ADAMTS5: variants seen among roughly 807,000 people sequenced by gnomAD.
The protein encoded by ADAMTS5 is A disintegrin and metalloproteinase with thrombospondin motifs 5.
Under a neutral mutation model 81.4 loss-of-function variants are expected in ADAMTS5, and 54 were observed. The ratio of observed to expected loss-of-function variants is 0.66; its 90% CI spans 0.53 to 0.83. The LOEUF (loss-of-function observed/expected upper bound fraction) is 0.83. Ranked by LOEUF, ADAMTS5 falls within the 40% of genes least tolerant of loss-of-function variation. The pLI is 0.00. For synonymous variants in ADAMTS5, 532 were observed against 508.8 expected (o/e 1.05, Z -0.61); for missense variants, 1,194 against 1,229.9 (o/e 0.97, Z 0.44).
At chr21:26,933,665 G>A (rs746312612) in intron 4 of ADAMTS5, among the ~76,000 whole-genome samples, 1 of 152,192 alleles carries the variant, frequency 6.6e-6, no homozygotes, top group Non-Finnish European at 1.5e-5. Flanking sequence ...GCCCTTTTAT[G>A]GCAACCTAAG....
At chr21:26,941,270 T>C (rs2123184001) in intron 3 of ADAMTS5, among the ~76,000 whole-genome samples, 1 of 152,220 alleles carries the variant, frequency 6.6e-6, no homozygotes, top group East Asian at 1.9e-4. Flanking sequence ...TTATTTAATA[T>C]ATATACATGA....
chr21:26,946,896 A>C (rs1987226008), intron 2 of ADAMTS5, among the ~76,000 whole-genome samples: 1 of 152,086 alleles, frequency 6.6e-6, no homozygotes, highest in African/African-American at 2.4e-5. Context: ...TCTTTTTTGG[A>C]GAGTCAGAGT....
At chr21:26,964,325 A>C (rs1308210910) in intron 1 of ADAMTS5, among the ~76,000 whole-genome samples, 2 of 152,208 alleles carry the variant, frequency 1.3e-5, no homozygotes, top group Non-Finnish European at 2.9e-5. Context: ...ACACTAACGT[A>C]GTGGTCAAAT....
Position 26,965,770 on chromosome 21 carries a change from T to C in ADAMTS5, c.622A>G (p.Ser208Gly). The change falls in exon 1 of 8, where the codon AGC becomes GGC. Residue 208 changes from serine (S) to glycine (G), a missense_variant. Physicochemically the swap from Ser to Gly is moderately conservative, Grantham distance 56. This residue lies in a region of ADAMTS5 where 498 missense variants were observed against 412.3 expected (regional missense o/e 1.21). Coordinates refer to ENST00000284987, the MANE Select transcript of ADAMTS5 (RefSeq NM_007038.5). Reference sequence around the variant, plus strand: ...GGTGTGGACGCGGGGGTTTCGCAGCTGGCGCGCGGCGGCAGGGCCTCGAAG... The same window carrying C: ...GGTGTGGACGCGGGGGTTTCGCAGCCGGCGCGCGGCGGCAGGGCCTCGAAG... ...FSFEALPPRA[S>G]CETPASTPEA... is the part of the protein sequence containing the mutation. The C allele has an allele frequency of 1.9e-6, 3 of 1,601,568 alleles. No individual in the cohort carries two copies. The highest frequency in any genetic ancestry group is 2.6e-6 in the Non-Finnish European group (3 of 1,174,444).
rs1986670991 is a variant in ADAMTS5, at chr21:26,920,533, A to G, written c.*3520T>C. On this transcript the variant is annotated 3_prime_UTR_variant, in exon 8 of 8. Coordinates refer to ENST00000284987, the MANE Select transcript of ADAMTS5 (RefSeq NM_007038.5). The stretch of plus-strand genomic sequence containing the variant: ...GATATTAATTTTAGGAGGTGTTTCT[A>G]AAGGAGAAACAGACAACATTTGGTT... 2.0e-5 allele frequency: 3 copies of G among 152,154 alleles called. No homozygotes were observed. The highest frequency in any genetic ancestry group is 2.9e-5 in the Non-Finnish European group (2 of 67,994). The allele number at this position is 152,154 out of a possible 1,614,324, so 9.4% of individuals were successfully genotyped here.
At chr21:26,963,391 G>A (rs989738949) in intron 1 of ADAMTS5, among the ~76,000 whole-genome samples, 1 of 151,708 alleles carries the variant, frequency 6.6e-6, no homozygotes, top group Admixed American at 6.6e-5. Flanking sequence ...GGAATGTTAT[G>A]GGGCAGGAGG....
chr21:26,934,049 T>C (rs899053401), intron 4 of ADAMTS5, among the ~76,000 whole-genome samples: 1 of 152,166 alleles, frequency 6.6e-6, no homozygotes, highest in Non-Finnish European at 1.5e-5. Context: ...AAAGTGACCA[T>C]TTGGAGCTCA....
At position 26,922,798 on chromosome 21, in the gene ADAMTS5, T is replaced by C. The variant is rs1325859514; in HGVS notation, c.*1255A>G. On this transcript the variant is annotated 3_prime_UTR_variant, in exon 8 of 8. Transcript: ENST00000284987. ...GGAAAAATATTTAGTACAATAGGAA[T>C]ATACTTAGATTTTTTAAATTAAGAA... 1 of 152,570 alleles carries C rather than the reference T, an allele frequency of 6.6e-6. No individual in the cohort carries two copies. Among genetic ancestry groups the C allele is most frequent in the African/African-American group, 2.4e-5 (1 of 41,446 alleles). The allele number at this position is 152,570 out of a possible 1,614,324, so 9.5% of individuals were successfully genotyped here.
Position 26,929,954 on chromosome 21 carries a change from G to C in ADAMTS5, c.2157C>G (p.Asp719Glu). The C allele has an allele frequency of 1.2e-6, 2 of 1,614,108 alleles. No individual in the cohort carries two copies. The highest frequency in any genetic ancestry group is 1.7e-6 in the Non-Finnish European group (2 of 1,179,990). Reference sequence around the variant, plus strand: ...TGTCTCCTCCACATACTCCGCACTTGTCATACTGCAGCTTTGAGCCAATGA... The same window carrying C: ...TGTCTCCTCCACATACTCCGCACTTCTCATACTGCAGCTTTGAGCCAATGA... Reference protein sequence around the residue: ...DGIIGSKLQYDKCGVCGGDNS... With the variant: ...DGIIGSKLQYEKCGVCGGDNS... Residue 719 changes from aspartate to glutamate, a missense_variant, in exon 7 of 8, where the codon GAC (aspartate) becomes GAG (glutamate). This residue lies in a region of ADAMTS5 where 696 missense variants were observed against 817.6 expected (regional missense o/e 0.85). Coordinates refer to ENST00000284987, the MANE Select transcript of ADAMTS5 (RefSeq NM_007038.5).
intron 3 of ADAMTS5, among the ~76,000 whole-genome samples, chr21:26,936,127 A>T (rs1987009585): frequency 6.6e-6 from 1 of 152,184 alleles, no homozygotes; most frequent in Admixed American, 6.5e-5. Flanking sequence ...GCATGTGAGT[A>T]GCTGCCTGAT....
intron 2 of ADAMTS5, among the ~76,000 whole-genome samples, chr21:26,950,678 A>T (rs1987299718): frequency 6.6e-6 from 1 of 152,218 alleles, no homozygotes; most frequent in Admixed American, 6.5e-5. Context: ...TTTTTGAAAG[A>T]ATTAGCAGAA....
chr21:26,928,254 A>T (rs1986839736), intron 7 of ADAMTS5, among the ~76,000 whole-genome samples: 1 of 152,172 alleles, frequency 6.6e-6, no homozygotes, highest in African/African-American at 2.4e-5. Context: ...GCAGTATGAG[A>T]TCAATGTTCT....
intron 2 of ADAMTS5, among the ~76,000 whole-genome samples, chr21:26,947,748 G>A (rs948270492): frequency 3.3e-5 from 5 of 152,072 alleles, no homozygotes; most frequent in African/African-American, 9.7e-5. Flanking sequence ...ACTGTATTTC[G>A]CTGTTTGAAA....
intron 2 of ADAMTS5, among the ~76,000 whole-genome samples, 178 bp downstream of exon 2, chr21:26,954,561 T>G (rs1400134431): frequency 1.3e-5 from 2 of 152,192 alleles, no homozygotes; most frequent in African/African-American, 4.8e-5. Flanking sequence ...TGTTGCTGAC[T>G]TTGCCTTCCC....
intron 2 of ADAMTS5, among the ~76,000 whole-genome samples, chr21:26,944,759 T>A (rs1041884321): frequency 1.3e-5 from 2 of 152,068 alleles, no homozygotes; most frequent in Middle Eastern, 3.2e-3. Context: ...TGTGCACCAA[T>A]AAAACCCAAC....
intron 2 of ADAMTS5, among the ~76,000 whole-genome samples, chr21:26,943,813 T>A (rs1987161256): frequency 6.6e-6 from 1 of 152,202 alleles, no homozygotes; most frequent in Admixed American, 6.5e-5. Context: ...ATGCTTAATG[T>A]CATGTGGAAA....
intron 1 of ADAMTS5, among the ~76,000 whole-genome samples, 173 bp from the exon 2 acceptor site, chr21:26,955,044 C>G (rs1987397849): frequency 6.6e-6 from 1 of 152,142 alleles, no homozygotes; most frequent in Admixed American, 6.5e-5. Context: ...CTGAACTGCT[C>G]TGGGGCCCAG....
intron 3 of ADAMTS5, among the ~76,000 whole-genome samples, chr21:26,936,829 C>A (rs1335961247): frequency 6.6e-6 from 1 of 152,128 alleles, no homozygotes; most frequent in Admixed American, 6.5e-5. Context: ...GCGATTAGGG[C>A]TTCAGAACTC....
At chr21:26,931,891 A>G (rs1420394971) in intron 6 of ADAMTS5, 113 bp downstream of exon 6, 3 of 1,118,158 alleles carry the variant, frequency 2.7e-6, no homozygotes, top group Non-Finnish European at 3.7e-6. Context: ...ACCTTCCAAA[A>G]TCTAACTGAC....
Sources: gnomAD v4.1 joint callset for allele counts (sites outside exome capture counted in the v4.1 genomes callset) on GRCh38, gnomAD v4.1.1 for gene constraint, gnomAD v4.1.1 regional missense constraint, MANE v1.5 for transcripts, NCBI Gene and HGNC (gene_info 2026-07-23, HGNC 2026-07-21) for gene names.